Variants in PDE11A observed in about 807,000 individuals in gnomAD.
The protein encoded by PDE11A is dual 3',5'-cyclic-AMP and -GMP phosphodiesterase 11A.
Under a neutral mutation model 100.5 loss-of-function variants are expected in PDE11A, and 100 were observed. That is an observed-to-expected ratio of 1.00 (90% confidence interval 0.85 to 1.18). The LOEUF (loss-of-function observed/expected upper bound fraction) is 1.18, where lower values mean the gene tolerates loss of function less well. Ranked by LOEUF, PDE11A falls within the 50% of genes most tolerant of loss-of-function variation. PDE11A has a pLI of 0.00. For missense variants in PDE11A, 1,141 were observed against 1,152.6 expected (o/e 0.99, Z 0.15); for synonymous variants, 381 against 420.8 (o/e 0.91, Z 1.16).
chr2:177,845,286 C>T (rs2083568754), intron 5 of PDE11A, among the ~76,000 whole-genome samples: 2 of 148,968 alleles, frequency 1.3e-5, no homozygotes, highest in African/African-American at 2.5e-5. Flanking sequence ...GGGCGGTTGC[C>T]AGGCAGAGGG....
chr2:178,050,932 T>C (rs1207931110), intron 1 of PDE11A, among the ~76,000 whole-genome samples: 1 of 152,190 alleles, frequency 6.6e-6, no homozygotes, highest in Non-Finnish European at 1.5e-5. Context: ...GAAAACAATC[T>C]TTAGGATATT....
At chr2:177,954,180 A>G (rs531321045) in intron 2 of PDE11A, among the ~76,000 whole-genome samples, 1 of 151,948 alleles carries the variant, frequency 6.6e-6, no homozygotes. Context: ...TCAATCCTAC[A>G]GATTCTTATG....
At chr2:177,981,105 C>T (rs2105803122) in intron 2 of PDE11A, among the ~76,000 whole-genome samples, 1 of 150,474 alleles carries the variant, frequency 6.6e-6, no homozygotes, top group East Asian at 1.9e-4. Flanking sequence ...ATCACTTAAC[C>T]TCCAGTAAGC....
At chr2:177,954,457 C>T (rs1175097736) in intron 2 of PDE11A, among the ~76,000 whole-genome samples, 1 of 152,080 alleles carries the variant, frequency 6.6e-6, no homozygotes, top group Non-Finnish European at 1.5e-5. Flanking sequence ...ATTAGAGCAG[C>T]AGACAAAATG....
chr2:178,023,444 G>A (rs755152503), intron 1 of PDE11A, among the ~76,000 whole-genome samples: 3 of 152,076 alleles, frequency 2.0e-5, no homozygotes, highest in Non-Finnish European at 4.4e-5. Flanking sequence ...TCTTATCCAG[G>A]TCCCACATTC....
intron 10 of PDE11A, among the ~76,000 whole-genome samples, chr2:177,732,262 A>C (rs1244213194): frequency 6.6e-6 from 1 of 152,224 alleles, no homozygotes; most frequent in Non-Finnish European, 1.5e-5. Context: ...GAAGATCCAA[A>C]CAATTCTTTA....
At chr2:178,038,499 T>G (rs2086644304) in intron 1 of PDE11A, among the ~76,000 whole-genome samples, 1 of 151,672 alleles carries the variant, frequency 6.6e-6, no homozygotes, top group Non-Finnish European at 1.5e-5. Context: ...GAAGGTGGTG[T>G]TCAGAATATA....
intron 4 of PDE11A, among the ~76,000 whole-genome samples, chr2:177,894,896 C>T (rs1256332146): frequency 1.3e-5 from 2 of 152,142 alleles, no homozygotes; most frequent in South Asian, 2.1e-4. Flanking sequence ...TCCTGCCCTT[C>T]GGACCAAACC....
In PDE11A at chr2:177,629,532, G is replaced by A; in HGVS notation, c.2677C>T (p.Pro893Ser). 6.2e-7 allele frequency: 1 copy of A among 1,614,078 alleles called. No individual in the cohort carries two copies. ...TTTGTAGCTACTGAATCTAGCATCG[G>A]CTTCAGTTTCACGTTGACCTTCACC... is the stretch of plus-strand genomic sequence containing the variant. ...ALVKVNVKLKPMLDSVATNRS... is the reference protein window; with the variant it reads ...ALVKVNVKLKSMLDSVATNRS... Residue 893 changes from proline (P) to serine (S), a missense_variant, in exon 20 of 20, where the codon CCG becomes TCG. Pro to Ser is a moderately conservative substitution (Grantham distance 74, BLOSUM62 -1). Transcript: ENST00000286063.
chr2:178,072,551 C>T lies in PDE11A; in HGVS notation c.-114G>A, dbSNP rs1455293862. On this transcript the variant is annotated 5_prime_UTR_variant, in exon 1 of 20. Coordinates refer to ENST00000286063, the MANE Select transcript of PDE11A (RefSeq NM_016953.4). ...CCCACCAGTATTCCCAGTTCAGCGC[C>T]ACCTCCCCTGGAGATTATTCCCAGC... The T allele has an allele frequency of 6.5e-7, 1 of 1,547,378 alleles. No homozygotes were observed. Among genetic ancestry groups the T allele is most frequent in the South Asian group, 1.2e-5 (1 of 84,800 alleles).
intron 1 of PDE11A, among the ~76,000 whole-genome samples, chr2:178,039,685 AAAAT>A (rs1490745973): frequency 2.0e-5 from 3 of 151,904 alleles, no homozygotes; most frequent in Non-Finnish European, 4.4e-5. Flanking sequence ...AAAATAAAAT[AAAAT>A]AAAATAACTA....
chr2:177,789,552 A>G (rs1221703000), intron 9 of PDE11A, among the ~76,000 whole-genome samples: 8 of 151,624 alleles, frequency 5.3e-5, no homozygotes, highest in Admixed American at 2.6e-4. Flanking sequence ...AATTAGGCAG[A>G]AGAAGGAAAT....
chr2:177,942,777 A>G (rs2085360427), intron 2 of PDE11A, among the ~76,000 whole-genome samples: 1 of 152,204 alleles, frequency 6.6e-6, no homozygotes, highest in East Asian at 1.9e-4. Context: ...TCTCTAGTTC[A>G]GTAGTCTAAG....
chr2:177,695,944 G>A (rs1253948655), intron 15 of PDE11A, among the ~76,000 whole-genome samples: 1 of 152,198 alleles, frequency 6.6e-6, no homozygotes, highest in Non-Finnish European at 1.5e-5. Flanking sequence ...AGGATGGTCA[G>A]TCAGGAAGAT....
chr2:177,931,071 T>C lies in PDE11A; in HGVS notation c.1072-25884A>G, dbSNP rs536973150. Among the ~76,000 whole-genome samples, 7 of 152,310 alleles carry C rather than the reference T, an allele frequency of 4.6e-5. No individual in the cohort carries two copies. In the South Asian group the frequency reaches 1.2e-3, roughly 27 times the overall value. ...GTTATTTTTTTCCTTATAGATACTA[T>C]GTTTTAAAATCTCCACCTATCTGGC... On this transcript the variant is annotated intron_variant, in intron 2 of 19. Coordinates refer to ENST00000286063, the MANE Select transcript of PDE11A (RefSeq NM_016953.4).
At chr2:177,784,707 T>A (rs1192164783) in intron 9 of PDE11A, among the ~76,000 whole-genome samples, 1 of 152,244 alleles carries the variant, frequency 6.6e-6, no homozygotes, top group Non-Finnish European at 1.5e-5. Context: ...CAAGAACCCA[T>A]GTGACCTCCC....
intron 19 of PDE11A, among the ~76,000 whole-genome samples, chr2:177,640,982 ACCC>A (rs2080133429): frequency 6.6e-6 from 1 of 151,978 alleles, no homozygotes; most frequent in East Asian, 1.9e-4. Context: ...CATTTCCACA[ACCC>A]TGGTTTAGGC....
intron 9 of PDE11A, among the ~76,000 whole-genome samples, chr2:177,785,479 G>C (rs1449272563): frequency 1.3e-5 from 2 of 152,230 alleles, no homozygotes; most frequent in African/African-American, 4.8e-5. Flanking sequence ...GGTGATTTCT[G>C]CATTTCCATC....
chr2:177,645,398 C>T (rs537354671), intron 19 of PDE11A, among the ~76,000 whole-genome samples: 35 of 152,146 alleles, frequency 2.3e-4, no homozygotes, highest in African/African-American at 8.2e-4. Flanking sequence ...GGTTTCACCA[C>T]GTTGGCCAGG....
Sources: allele counts gnomAD v4.1 joint callset (sites outside exome capture counted in the v4.1 genomes callset), GRCh38; gene constraint gnomAD v4.1.1; transcripts MANE v1.5; gene names NCBI Gene and HGNC (gene_info 2026-07-23, HGNC 2026-07-21).